CNTNAP5: variants seen among roughly 807,000 people sequenced by gnomAD.
CNTNAP5 encodes the protein contactin-associated protein-like 5.
Under a neutral mutation model 150.2 loss-of-function variants are expected in CNTNAP5, and 72 were observed. The ratio of observed to expected loss-of-function variants is 0.48; its 90% CI spans 0.40 to 0.58. The LOEUF (loss-of-function observed/expected upper bound fraction) is 0.58, where lower values mean the gene tolerates loss of function less well. CNTNAP5 is among the 20% of genes least tolerant of loss of function. CNTNAP5 has a pLI of 0.00. For missense variants in CNTNAP5, 1,636 were observed against 1,626.2 expected (o/e 1.01, Z -0.10); for synonymous variants, 672 against 619.8 (o/e 1.08, Z -1.25).
chr2:124,362,926 CATT>C (rs1470088495), intron 3 of CNTNAP5, among the ~76,000 whole-genome samples: 1 of 152,188 alleles, frequency 6.6e-6, no homozygotes, highest in African/African-American at 2.4e-5. Context: ...AATATGCAGT[CATT>C]GTTCTTTAAA....
chr2:124,358,898 C>A (rs892540778), intron 3 of CNTNAP5, among the ~76,000 whole-genome samples: 1 of 149,224 alleles, frequency 6.7e-6, no homozygotes, highest in South Asian at 2.2e-4. Flanking sequence ...CCTCCTTGTA[C>A]CTCTGGTAGA....
intron 13 of CNTNAP5, among the ~76,000 whole-genome samples, chr2:124,649,479 G>A (rs1667828605): frequency 6.6e-6 from 1 of 152,270 alleles, no homozygotes; most frequent in South Asian, 2.1e-4. Context: ...TAGGACTAAT[G>A]GCGGGGCATG....
chr2:124,510,257 C>CTATATA (rs1320156990), intron 8 of CNTNAP5, among the ~76,000 whole-genome samples: 3 of 20,466 alleles, frequency 1.5e-4, no homozygotes, highest in African/African-American at 3.8e-4. Flanking sequence ...ATATCTATAT[C>CTATATA]TATATATCTA....
intron 21 of CNTNAP5, among the ~76,000 whole-genome samples, chr2:124,882,736 T>A (rs867414280): frequency 2.0e-5 from 3 of 152,032 alleles, no homozygotes; most frequent in African/African-American, 7.2e-5. Flanking sequence ...AAAGATATAC[T>A]TGAGATTGGG....
At chr2:124,031,213 C>T (rs1017730981) in intron 1 of CNTNAP5, among the ~76,000 whole-genome samples, 2 of 151,944 alleles carry the variant, frequency 1.3e-5, no homozygotes, top group Non-Finnish European at 2.9e-5. Context: ...ATTACATTTC[C>T]ATAGTATTAA....
chr2:124,884,077 C>G (rs1330785686), intron 21 of CNTNAP5, among the ~76,000 whole-genome samples: 1 of 151,984 alleles, frequency 6.6e-6, no homozygotes, highest in East Asian at 1.9e-4. Flanking sequence ...ATGTGCATAT[C>G]TGTCATGTAT....
chr2:124,150,194 T>G (rs1177204270), intron 1 of CNTNAP5, among the ~76,000 whole-genome samples: 1 of 152,240 alleles, frequency 6.6e-6, no homozygotes, highest in Non-Finnish European at 1.5e-5. Context: ...CATTTGCTGT[T>G]ATATCAAAAC....
At chr2:124,705,905 T>C (rs944541857) in intron 13 of CNTNAP5, among the ~76,000 whole-genome samples, 2 of 151,040 alleles carry the variant, frequency 1.3e-5, no homozygotes, top group Non-Finnish European at 3.0e-5. Flanking sequence ...CTGGTCACCT[T>C]GTGTGATGTT....
intron 1 of CNTNAP5, among the ~76,000 whole-genome samples, chr2:124,068,473 C>T (rs920063760): frequency 2.0e-5 from 3 of 152,076 alleles, no homozygotes; most frequent in Admixed American, 6.6e-5. Context: ...AGAAGCCTCA[C>T]CTTTGTGGAC....
At chr2:124,033,419 G>A (rs1681117795) in intron 1 of CNTNAP5, among the ~76,000 whole-genome samples, 1 of 152,128 alleles carries the variant, frequency 6.6e-6, no homozygotes, top group Non-Finnish European at 1.5e-5. Flanking sequence ...GAATAGGTGG[G>A]TTCAGTTGTA....
chr2:124,576,505 C>T (rs1321833420), intron 11 of CNTNAP5, among the ~76,000 whole-genome samples: 1 of 152,146 alleles, frequency 6.6e-6, no homozygotes, highest in East Asian at 1.9e-4. Context: ...GCTCACAGGC[C>T]ATCAGAGGAG....
intron 1 of CNTNAP5, among the ~76,000 whole-genome samples, chr2:124,160,059 G>A (rs1285469578): frequency 6.6e-6 from 1 of 152,074 alleles, no homozygotes; most frequent in East Asian, 1.9e-4. Context: ...TATACATGCA[G>A]GAGAGAAATT....
chr2:124,765,308 T>C (rs942833013), intron 16 of CNTNAP5, among the ~76,000 whole-genome samples: 1 of 152,132 alleles, frequency 6.6e-6, no homozygotes, highest in African/African-American at 2.4e-5. Context: ...ACCATATTCC[T>C]AAGAATTTGA....
chr2:124,301,339 T>C (rs1476091470), intron 3 of CNTNAP5, among the ~76,000 whole-genome samples: 5 of 152,228 alleles, frequency 3.3e-5, no homozygotes, highest in Non-Finnish European at 5.9e-5. Context: ...CATTGCACTA[T>C]TCGTTTTGCT....
intron 16 of CNTNAP5, among the ~76,000 whole-genome samples, chr2:124,766,542 TC>T (rs1479475052): frequency 2.0e-5 from 3 of 152,146 alleles, no homozygotes; most frequent in Non-Finnish European, 4.4e-5. Context: ...AGTTTTAACC[TC>T]CTTTTGCTCC....
chr2:124,300,154 G>T (rs1688539271), intron 3 of CNTNAP5, among the ~76,000 whole-genome samples: 1 of 152,168 alleles, frequency 6.6e-6, no homozygotes, highest in Non-Finnish European at 1.5e-5. Context: ...GCAAAGTCAT[G>T]ACTCATTCCA....
At chr2:124,649,364 C>T (rs958814077) in intron 13 of CNTNAP5, among the ~76,000 whole-genome samples, 6 of 152,152 alleles carry the variant, frequency 3.9e-5, no homozygotes, top group East Asian at 1.9e-4. Context: ...CAAGCCTGCA[C>T]GTGCTACCTC....
rs183205220 is a variant in CNTNAP5 at position 124,094,993 on chromosome 2, T to C, written c.82+69261T>C. Reference sequence around the variant, plus strand: ...TTTACCTTTAAAAAGCTGCACTGCGTGTGTCTTTATAGTAGAATGATTTAC... The same window carrying C: ...TTTACCTTTAAAAAGCTGCACTGCGCGTGTCTTTATAGTAGAATGATTTAC... On this transcript the variant is annotated intron_variant, in intron 1 of 23. Coordinates refer to ENST00000682447, the MANE Select transcript of CNTNAP5 (RefSeq NM_001367498.1). Among the ~76,000 whole-genome samples the C allele has an allele frequency of 2.6e-5, 4 of 152,236 alleles. No homozygotes were observed. In the East Asian group the frequency reaches 7.8e-4, roughly 30 times the overall value.
At chr2:124,163,894 A>G (rs994190383) in intron 1 of CNTNAP5, among the ~76,000 whole-genome samples, 1 of 152,040 alleles carries the variant, frequency 6.6e-6, no homozygotes, top group African/African-American at 2.4e-5. Context: ...CTCTCTTAAC[A>G]ACATTCACAA....
Sources: allele counts gnomAD v4.1 joint callset (sites outside exome capture counted in the v4.1 genomes callset), GRCh38; gene constraint gnomAD v4.1.1; transcripts MANE v1.5; gene names NCBI Gene and HGNC (gene_info 2026-07-23, HGNC 2026-07-21).